The following GVQW3 variants were observed in gnomAD, a reference collection of about 807,000 sequenced individuals.
GVQW3 encodes the protein GVQW motif containing 3.
In GVQW3, 7 loss-of-function variants were observed where a neutral mutation model predicts 12.5. That is an observed-to-expected ratio of 0.56 (90% CI 0.32 to 1.05). GVQW3 has a LOEUF of 1.05. Ranked by LOEUF, GVQW3 falls within the 50% of genes least tolerant of loss-of-function variation. The pLI, the probability that GVQW3 is intolerant of heterozygous loss-of-function variation, is 0.04. For synonymous variants in GVQW3, 71 were observed against 67.2 expected, an observed-to-expected ratio of 1.06 and a Z score of -0.28; for missense variants, 188 against 190.8, an observed-to-expected ratio of 0.99 and a Z score of 0.09.
intron 1 of GVQW3, 73 bp downstream of exon 1, chr11:76,382,366 C>A: frequency 1.0e-6 from 1 of 959,098 alleles, no homozygotes; most frequent in Non-Finnish European, 1.6e-6. Context: ...GGTATCCCAT[C>A]CCAGAGTCCA....
downstream of GVQW3, chr11:76,411,770 G>A (rs924926660): frequency 6.6e-6 from 1 of 152,102 alleles, no homozygotes; most frequent in Non-Finnish European, 1.5e-5. Context: ...TCATTTTTCT[G>A]AGCCTTGGTT....
intron 1 of GVQW3, among the ~76,000 whole-genome samples, chr11:76,402,775 G>A (rs556808755): frequency 6.6e-6 from 1 of 151,914 alleles, no homozygotes; most frequent in East Asian, 1.9e-4. Flanking sequence ...CTGGAGTGCA[G>A]TGGTGCAATC....
chr11:76,388,611 A>G (rs1946860374), intron 1 of GVQW3, among the ~76,000 whole-genome samples: 1 of 151,668 alleles, frequency 6.6e-6, no homozygotes, highest in African/African-American at 2.4e-5. Context: ...GCCAGATGCT[A>G]TCTTGTGTGC....
In GVQW3 at chr11:76,406,007, A is replaced by G. The variant is rs938541709; in HGVS notation, c.*2249A>G. ...CTTTTTTTTGAGACAGGCTCTCCCTATGTCACCGAGGCTACAGTGCAGTGG... is the reference window on the plus strand; with the variant it reads ...CTTTTTTTTGAGACAGGCTCTCCCTGTGTCACCGAGGCTACAGTGCAGTGG... On this transcript the variant is annotated 3_prime_UTR_variant, in exon 2 of 2. Coordinates refer to ENST00000529331, the MANE Select transcript of GVQW3 (RefSeq NM_001347885.2). 6.7e-6 allele frequency: 1 copy of G among 149,668 alleles called. No homozygotes were observed. Among genetic ancestry groups the G allele is most frequent in the African/African-American group, 2.5e-5 (1 of 40,404 alleles). 9.3% of individuals were successfully genotyped at this position (149,668 alleles called of 1,614,324 possible). A position where few individuals can be genotyped will look rare whatever the true frequency, so the allele number is the denominator to read the frequency against.
chr11:76,407,779 A>C lies in GVQW3; in HGVS notation c.*4021A>C, dbSNP rs1209948745. The C allele has an allele frequency of 6.6e-6, 1 of 152,150 alleles. No individual in the cohort carries two copies. Among genetic ancestry groups the C allele is most frequent in the South Asian group, 2.1e-4 (1 of 4,832 alleles). The allele number at this position is 152,150 out of a possible 1,614,324, so 9.4% of individuals were successfully genotyped here. On this transcript the variant is annotated 3_prime_UTR_variant, in exon 2 of 2. Transcript: ENST00000529331. ...AATGTCCCACAATGGAGAAATTGTT[A>C]AGAAAATTACAGCATACTCATTAAG...
At position 76,403,714 on chromosome 11, in the gene GVQW3, ATCC is replaced by A; in HGVS notation, c.524_526del (p.Leu175del). 1 of 487,162 alleles carries A rather than the reference ATCC, an allele frequency of 2.1e-6. No homozygotes were observed. Among genetic ancestry groups the A allele is most frequent in the Admixed American group, 3.6e-5 (1 of 27,474 alleles). 30.2% of individuals were successfully genotyped at this position (487,162 alleles called of 1,614,324 possible). On this transcript the variant is annotated inframe_deletion, in exon 2 of 2. Coordinates refer to ENST00000529331, the MANE Select transcript of GVQW3 (RefSeq NM_001347885.2). The stretch of plus-strand genomic sequence containing the variant: ...GGTCTCGAACTCCTTGTCTCAAGGG[ATCC>A]TCCCACCTTGGCCTCCCAAAGCTCT...
chr11:76,396,287 G>A (rs1011052334), intron 1 of GVQW3, among the ~76,000 whole-genome samples: 1 of 151,554 alleles, frequency 6.6e-6, no homozygotes, highest in Non-Finnish European at 1.5e-5. Context: ...ACATTTCTGT[G>A]CTGCTATTAT....
chr11:76,404,779 T>G lies in GVQW3; in HGVS notation c.*1021T>G, dbSNP rs1186324854. The G allele has an allele frequency of 1.3e-5, 2 of 152,442 alleles. No homozygotes were observed. The highest frequency in any genetic ancestry group is 4.1e-4 in the South Asian group (2 of 4,822). The allele number at this position is 152,442 out of a possible 1,614,324, so 9.4% of individuals were successfully genotyped here. On this transcript the variant is annotated 3_prime_UTR_variant, in exon 2 of 2. Coordinates refer to ENST00000529331, the MANE Select transcript of GVQW3 (RefSeq NM_001347885.2). ...CTCTCAGGCTTTTCACTTCCTTCCT[T>G]AGACTGGGGGCGCCTCTTGCCCTGT...
intron 1 of GVQW3, among the ~76,000 whole-genome samples, chr11:76,386,754 G>A (rs972806687): frequency 2.6e-5 from 4 of 152,138 alleles, no homozygotes; most frequent in Admixed American, 6.5e-5. Flanking sequence ...TTTACCAGGC[G>A]TTTATATCTT....
At chr11:76,391,551 T>C (rs1283954648) in intron 1 of GVQW3, among the ~76,000 whole-genome samples, 1 of 152,216 alleles carries the variant, frequency 6.6e-6, no homozygotes, top group Non-Finnish European at 1.5e-5. Flanking sequence ...TTGTCCATTG[T>C]AGAAAATTTG....
chr11:76,389,278 G>C (rs989709729), intron 1 of GVQW3, among the ~76,000 whole-genome samples: 1 of 152,312 alleles, frequency 6.6e-6, no homozygotes, highest in Admixed American at 6.5e-5. Context: ...TGGGTAGTTG[G>C]ATTATGGGTT....
intron 1 of GVQW3, among the ~76,000 whole-genome samples, chr11:76,402,987 G>A (rs557544069): frequency 2.6e-5 from 4 of 151,560 alleles, no homozygotes; most frequent in Admixed American, 6.6e-5. Context: ...TTACTCTGTC[G>A]CCCAGGCTGG....
rs1946767232 is a variant in GVQW3, at chr11:76,381,512, C to T, written c.-317C>T. The T allele has an allele frequency of 3.6e-6, 1 of 276,990 alleles. No homozygotes were observed. Among genetic ancestry groups the T allele is most frequent in the South Asian group, 7.5e-5 (1 of 13,362 alleles). The allele number at this position is 276,990 out of a possible 1,614,324, so 17.2% of individuals were successfully genotyped here. On this transcript the variant is annotated 5_prime_UTR_variant, in exon 1 of 2. Transcript: ENST00000529331. Reference sequence around the variant, plus strand: ...AATTCGCCATATACTCCTTAAGGGCCGCGGAATCGGAGCGACCTTGGTGAC... The same window carrying T: ...AATTCGCCATATACTCCTTAAGGGCTGCGGAATCGGAGCGACCTTGGTGAC...
chr11:76,393,312 A>T (rs7928709), intron 1 of GVQW3, among the ~76,000 whole-genome samples: 77,165 of 151,948 alleles, frequency 0.51, 20,677 homozygotes, highest in South Asian at 0.63. Flanking sequence ...TCTACCACCC[A>T]CCCAGTGGCC....
intron 1 of GVQW3, among the ~76,000 whole-genome samples, chr11:76,386,832 C>G (rs1203239779): frequency 6.6e-6 from 1 of 152,116 alleles, no homozygotes; most frequent in Non-Finnish European, 1.5e-5. Context: ...CAAATACTGT[C>G]CTAGTTGAAT....
At position 76,381,990 on chromosome 11, in the gene GVQW3, GGAA is replaced by G; in HGVS notation, c.165_167del (p.Glu55del). ...GGCACAAAAGGTTTAAAGAAGGACGGGAAGATGTTCGAGATGATGCCCGAAGTG... is the reference window on the plus strand; with the variant it reads ...GGCACAAAAGGTTTAAAGAAGGACGGGATGTTCGAGATGATGCCCGAAGTG... On this transcript the variant is annotated inframe_deletion, in exon 1 of 2. Coordinates refer to ENST00000529331, the MANE Select transcript of GVQW3 (RefSeq NM_001347885.2). 1 of 1,536,418 alleles carries G rather than the reference GGAA, an allele frequency of 6.5e-7. No homozygotes were observed. Among genetic ancestry groups the G allele is most frequent in the African/African-American group, 1.4e-5 (1 of 73,178 alleles).
rs1237215430 is a variant in GVQW3, at chr11:76,405,885, CTCCTGGGCTCCAGTGA to C, written c.*2132_*2147del. On this transcript the variant is annotated 3_prime_UTR_variant, in exon 2 of 2. Coordinates refer to ENST00000529331, the MANE Select transcript of GVQW3 (RefSeq NM_001347885.2). ...CTATGTTGCCCAGGCTGGTCTTGAACTCCTGGGCTCCAGTGATCCTCCCCCTTCAGCCTCCCAAAGT... is the reference window on the plus strand; with the variant it reads ...CTATGTTGCCCAGGCTGGTCTTGAACTCCTCCCCCTTCAGCCTCCCAAAGT... 1 of 152,314 alleles carries C rather than the reference CTCCTGGGCTCCAGTGA, an allele frequency of 6.6e-6. No individual in the cohort carries two copies. Among genetic ancestry groups the C allele is most frequent in the Non-Finnish European group, 1.5e-5 (1 of 68,146 alleles). The allele number at this position is 152,314 out of a possible 1,614,324, so 9.4% of individuals were successfully genotyped here.
chr11:76,402,386 C>G lies in GVQW3; in HGVS notation c.466-1274C>G, dbSNP rs1300172366. Among the ~76,000 whole-genome samples, 4 of 152,154 alleles carry G rather than the reference C, an allele frequency of 2.6e-5. No homozygotes were observed. In the East Asian group the frequency reaches 7.7e-4, roughly 29 times the overall value. On this transcript the variant is annotated intron_variant, in intron 1 of 1. Transcript: ENST00000529331. Reference sequence around the variant, plus strand: ...TGGACAACATGGTGAAGCCCTGTCTCTACTAAAAATACAAAAATTAGCTGG... The same window carrying G: ...TGGACAACATGGTGAAGCCCTGTCTGTACTAAAAATACAAAAATTAGCTGG...
chr11:76,397,504 T>C (rs1392469538), intron 1 of GVQW3, among the ~76,000 whole-genome samples: 1 of 152,248 alleles, frequency 6.6e-6, no homozygotes, highest in East Asian at 1.9e-4. Flanking sequence ...TATTCATAAG[T>C]AATTCATTAT....
Sources: allele counts gnomAD v4.1 joint callset (sites outside exome capture counted in the v4.1 genomes callset), GRCh38; gene constraint gnomAD v4.1.1; transcripts MANE v1.5; gene names NCBI Gene and HGNC (gene_info 2026-07-23, HGNC 2026-07-21).